The following ROBO2 variants were observed in gnomAD, a reference collection of about 807,000 sequenced individuals.
The protein encoded by ROBO2 is roundabout guidance receptor 2.
ROBO2 carries 53 observed loss-of-function variants against 160.8 expected under a neutral mutation model. The ratio of observed to expected loss-of-function variants is 0.33; its 90% CI spans 0.26 to 0.41. ROBO2 has a LOEUF of 0.41. Among genes scored for constraint, ROBO2 ranks in the 10% least tolerant of loss-of-function variants. The pLI, the probability that ROBO2 is intolerant of heterozygous loss-of-function variation, is 1.00. For missense variants in ROBO2, 1,577 were observed against 1,722.4 expected (o/e 0.92, Z 1.49); for synonymous variants, 664 against 611.7 (o/e 1.09, Z -1.26).
chr3:76,154,084 T>G (rs564872364), intron 2 of ROBO2, among the ~76,000 whole-genome samples: 1 of 152,264 alleles, frequency 6.6e-6, no homozygotes, highest in African/African-American at 2.4e-5. Flanking sequence ...TATTGTGTGC[T>G]AAGTCAAAAG....
chr3:76,488,486 C>T (rs1325893518), intron 2 of ROBO2, among the ~76,000 whole-genome samples: 2 of 152,166 alleles, frequency 1.3e-5, no homozygotes, highest in Admixed American at 1.3e-4. Flanking sequence ...GTGTGGTCCT[C>T]TCCACAGCAT....
intron 16 of ROBO2, among the ~76,000 whole-genome samples, chr3:77,581,299 G>A (rs2153677352): frequency 6.6e-6 from 1 of 152,148 alleles, no homozygotes; most frequent in Non-Finnish European, 1.5e-5. Flanking sequence ...AGTGTCATTT[G>A]ATGAACAAAA....
chr3:76,866,552 T>C (rs572435129), intron 2 of ROBO2, among the ~76,000 whole-genome samples: 1 of 152,256 alleles, frequency 6.6e-6, no homozygotes, highest in South Asian at 2.1e-4. Context: ...TGGGAACTAA[T>C]AATGATAAAT....
intron 2 of ROBO2, among the ~76,000 whole-genome samples, chr3:76,230,346 G>A (rs923492027): frequency 6.6e-6 from 1 of 151,734 alleles, no homozygotes; most frequent in Non-Finnish European, 1.5e-5. Context: ...CCTTTACATA[G>A]CACGTCCTTC....
At chr3:76,955,245 C>T (rs1447362725) in intron 2 of ROBO2, among the ~76,000 whole-genome samples, 1 of 152,170 alleles carries the variant, frequency 6.6e-6, no homozygotes. Context: ...TATATGTGTA[C>T]ACCCCATGTT....
intron 2 of ROBO2, among the ~76,000 whole-genome samples, chr3:77,200,274 TATATATATATATATATATA>T (rs2151010132): frequency 5.0e-5 from 1 of 20,112 alleles, no homozygotes; most frequent in South Asian, 1.6e-3. Context: ...ATTTTATATA[TATATATATATATATATATA>T]TATATATATA....
At chr3:77,222,015 G>C (rs1048028687) in intron 2 of ROBO2, among the ~76,000 whole-genome samples, 4 of 151,748 alleles carry the variant, frequency 2.6e-5, no homozygotes, top group Admixed American at 6.6e-5. Flanking sequence ...ACTACTCCCA[G>C]CTAATTTTTG....
At chr3:76,826,789 T>C (rs2109244087) in intron 2 of ROBO2, among the ~76,000 whole-genome samples, 1 of 152,328 alleles carries the variant, frequency 6.6e-6, no homozygotes, top group East Asian at 1.9e-4. Flanking sequence ...ACTCATACCC[T>C]AAATTATAAA....
chr3:76,438,930 G>A (rs756381889), intron 2 of ROBO2, among the ~76,000 whole-genome samples: 3 of 151,862 alleles, frequency 2.0e-5, no homozygotes, highest in African/African-American at 7.3e-5. Flanking sequence ...AAAGGGACTC[G>A]CAGAGAGGCT....
intron 2 of ROBO2, among the ~76,000 whole-genome samples, chr3:76,629,612 G>A (rs2089899359): frequency 6.6e-6 from 1 of 152,024 alleles, no homozygotes; most frequent in Non-Finnish European, 1.5e-5. Context: ...CTAGATTGAG[G>A]GTGAATCTGC....
At position 77,433,487 on chromosome 3, in the gene ROBO2, T is replaced by TAC. The variant is rs1491353565; in HGVS notation, c.389-43926_389-43925insCA. Among the ~76,000 whole-genome samples the TAC allele has an allele frequency of 5.4e-3, 108 of 19,888 alleles. 5 individuals are homozygous for TAC. Among genetic ancestry groups the TAC allele is most frequent in the South Asian group, 0.048 (31 of 644 alleles). 13.0% of individuals were successfully genotyped at this position (19,888 alleles called of 152,430 possible). Reference sequence around the variant, plus strand: ...ATTTTCCTTCTTCTCTGGCAACTTGTATATATATATATATATATATATATA... The same window carrying TAC: ...ATTTTCCTTCTTCTCTGGCAACTTGTACATATATATATATATATATATATATA... On this transcript the variant is annotated intron_variant, in intron 2 of 25. Coordinates refer to ENST00000461745, the Ensembl canonical transcript of ROBO2.
chr3:76,561,635 C>T (rs927422048), intron 2 of ROBO2, among the ~76,000 whole-genome samples: 2 of 152,118 alleles, frequency 1.3e-5, no homozygotes, highest in Non-Finnish European at 2.9e-5. Flanking sequence ...AAGTGGTAGG[C>T]ACAGGAAGTA....
chr3:77,602,301 A>C, exon 20 of ROBO2: 1 of 1,614,106 alleles, frequency 6.2e-7, no homozygotes. Flanking sequence ...TCACTACCAA[A>C]ACCAGTTACA....
chr3:77,018,802 G>C (rs754033952), intron 2 of ROBO2, among the ~76,000 whole-genome samples: 15 of 152,146 alleles, frequency 9.9e-5, no homozygotes, highest in Non-Finnish European at 2.2e-4. Flanking sequence ...GAGATTCCTA[G>C]AGTAGTAAAA....
At chr3:77,105,719 A>G (rs570287554) in intron 2 of ROBO2, among the ~76,000 whole-genome samples, 2 of 152,286 alleles carry the variant, frequency 1.3e-5, no homozygotes, top group South Asian at 4.1e-4. Flanking sequence ...CTCTCTCAAC[A>G]AGTCTCAAGT....
At chr3:76,627,703 G>C (rs1030774632) in intron 2 of ROBO2, among the ~76,000 whole-genome samples, 9 of 152,152 alleles carry the variant, frequency 5.9e-5, no homozygotes, top group Non-Finnish European at 1.3e-4. Flanking sequence ...TGAACACTGA[G>C]AGGATGTGTT....
chr3:77,219,159 G>T (rs913351718), intron 2 of ROBO2, among the ~76,000 whole-genome samples: 1 of 151,430 alleles, frequency 6.6e-6, no homozygotes, highest in Non-Finnish European at 1.5e-5. Flanking sequence ...AGTAGAGATG[G>T]GGGTTTCACC....
intron 2 of ROBO2, among the ~76,000 whole-genome samples, chr3:77,151,844 G>A (rs1158183173): frequency 6.6e-6 from 1 of 152,148 alleles, no homozygotes; most frequent in Admixed American, 6.5e-5. Context: ...TTTTCATAGT[G>A]TAAACATGTA....
intron 2 of ROBO2, among the ~76,000 whole-genome samples, chr3:76,343,780 A>T (rs2074369591): frequency 6.6e-6 from 1 of 152,028 alleles, no homozygotes; most frequent in Non-Finnish European, 1.5e-5. Context: ...ATCTGCAGAA[A>T]TGAATTTATT....
Sources: allele counts gnomAD v4.1 joint callset (sites outside exome capture counted in the v4.1 genomes callset), GRCh38; gene constraint gnomAD v4.1.1; transcripts MANE v1.5; gene names NCBI Gene and HGNC (gene_info 2026-07-23, HGNC 2026-07-21).